SCHIP1: variants seen among roughly 807,000 people sequenced by gnomAD.
SCHIP1 encodes the protein schwannomin-interacting protein 1.
In SCHIP1, 8 loss-of-function variants were observed where a neutral mutation model predicts 29.7. That is an observed-to-expected ratio of 0.27 (90% confidence interval 0.16 to 0.49). The LOEUF (loss-of-function observed/expected upper bound fraction) is 0.49. Ranked by LOEUF, SCHIP1 falls within the 20% of genes least tolerant of loss-of-function variation. The pLI, the probability that SCHIP1 is intolerant of heterozygous loss-of-function variation, is 0.99. For synonymous variants in SCHIP1, 76 were observed against 94.9 expected (o/e 0.80, Z 1.16); for missense variants, 193 against 294.6 (o/e 0.66, Z 2.52).
chr3:159,868,101 G>A (rs1022490174), intron 2 of SCHIP1, among the ~76,000 whole-genome samples: 2 of 148,250 alleles, frequency 1.3e-5, no homozygotes, highest in African/African-American at 5.0e-5. Context: ...GTATATATTA[G>A]CTAATATTAA....
At chr3:159,391,045 C>G in the SCHIP1 span, among the ~76,000 whole-genome samples, 9 of 152,064 alleles carry the variant, frequency 5.9e-5, no homozygotes, top group Non-Finnish European at 1.3e-4. Context: ...GTCTCCTTTT[C>G]AGTTATACAG....
the SCHIP1 span, among the ~76,000 whole-genome samples, chr3:159,524,076 T>C: frequency 6.6e-6 from 1 of 152,212 alleles, no homozygotes; most frequent in Non-Finnish European, 1.5e-5. Flanking sequence ...CTGGTCTCAG[T>C]GTGCACCTGC....
the SCHIP1 span, among the ~76,000 whole-genome samples, chr3:159,645,201 C>T: frequency 6.6e-6 from 1 of 152,050 alleles, no homozygotes; most frequent in Admixed American, 6.6e-5. Context: ...GTTGGAGAAG[C>T]CACGGCTCTG....
At chr3:159,857,631 C>T (rs1228300156) in intron 1 of SCHIP1, among the ~76,000 whole-genome samples, 2 of 152,058 alleles carry the variant, frequency 1.3e-5, no homozygotes, top group African/African-American at 2.4e-5. Flanking sequence ...CGCTAATTTA[C>T]TTTATGTATT....
At chr3:159,758,616 A>C in the SCHIP1 span, among the ~76,000 whole-genome samples, 1 of 152,232 alleles carries the variant, frequency 6.6e-6, no homozygotes, top group South Asian at 2.1e-4. Flanking sequence ...GCCTCTTCCA[A>C]TCCTGTCAAG....
the SCHIP1 span, among the ~76,000 whole-genome samples, chr3:159,795,934 A>G: frequency 6.6e-5 from 10 of 152,302 alleles, no homozygotes; most frequent in East Asian, 1.7e-3. Flanking sequence ...TGATGTGCAG[A>G]TTCTGGGCCT....
the SCHIP1 span, among the ~76,000 whole-genome samples, chr3:159,689,320 G>T: frequency 6.6e-6 from 1 of 152,156 alleles, no homozygotes; most frequent in African/African-American, 2.4e-5. Context: ...CACATCCCTT[G>T]TAAGTTGTAT....
chr3:159,853,024 C>A (rs1273090470), intron 1 of SCHIP1: 1 of 184,096 alleles, frequency 5.4e-6, no homozygotes, highest in African/African-American at 2.3e-5. Context: ...GAGTGCCTCT[C>A]TTTTCCTTTC....
At chr3:159,804,486 C>T in the SCHIP1 span, among the ~76,000 whole-genome samples, 36 of 152,232 alleles carry the variant, frequency 2.4e-4, no homozygotes, top group South Asian at 2.1e-4. Context: ...CATGAGTATA[C>T]AATGTCTTCC....
In SCHIP1 at chr3:159,867,704, C is replaced by T. The variant is rs143231599; in HGVS notation, c.149+1423C>T. Among the ~76,000 whole-genome samples, 1,018 of 152,260 alleles carry T rather than the reference C, an allele frequency of 6.7e-3. 8 individuals carry two copies. Among genetic ancestry groups the T allele is most frequent in the Middle Eastern group, 0.01 (3 of 294 alleles). On this transcript the variant is annotated intron_variant, in intron 2 of 6. Transcript: ENST00000445224. ...CCTCCCAGTCAGATGTGGCAGAAGG[C>T]GCTTTGGCCTAGGAACCTGGAGATC...
the SCHIP1 span, among the ~76,000 whole-genome samples, chr3:159,494,808 G>A: frequency 6.6e-6 from 1 of 152,030 alleles, no homozygotes; most frequent in Non-Finnish European, 1.5e-5. Flanking sequence ...CAAAAAAAAA[G>A]AGAATTTTAT....
At chr3:159,709,391 T>C in the SCHIP1 span, among the ~76,000 whole-genome samples, 1 of 152,182 alleles carries the variant, frequency 6.6e-6, no homozygotes, top group Non-Finnish European at 1.5e-5. Flanking sequence ...AGCTCTTGTA[T>C]TATTCTTACA....
At chr3:159,599,800 A>G in the SCHIP1 span, among the ~76,000 whole-genome samples, 2 of 152,048 alleles carry the variant, frequency 1.3e-5, no homozygotes, top group African/African-American at 4.8e-5. Flanking sequence ...TCTTTGTGTG[A>G]TTGTTTCATC....
the SCHIP1 span, among the ~76,000 whole-genome samples, chr3:159,433,271 C>T: frequency 7.2e-5 from 11 of 152,132 alleles, no homozygotes; most frequent in African/African-American, 1.7e-4. Context: ...TCATTTTCCA[C>T]GGACAGAAAA....
the SCHIP1 span, among the ~76,000 whole-genome samples, chr3:159,645,380 G>C: frequency 1.3e-5 from 2 of 152,102 alleles, no homozygotes; most frequent in Non-Finnish European, 2.9e-5. Context: ...ATCGACTCCT[G>C]CAAGAACAGT....
the SCHIP1 span, among the ~76,000 whole-genome samples, chr3:159,651,762 T>TA: frequency 6.6e-6 from 1 of 152,214 alleles, no homozygotes; most frequent in Non-Finnish European, 1.5e-5. Context: ...TTTGGAAGCC[T>TA]AAAGCATTTT....
chr3:159,273,935 A>T, the SCHIP1 span: 1,156,848 of 1,598,944 alleles, frequency 0.72, 424,106 homozygotes, highest in Non-Finnish European at 0.76. Flanking sequence ...TATTTTTACA[A>T]ATGAAGAGAG....
At chr3:159,644,125 C>T in the SCHIP1 span, among the ~76,000 whole-genome samples, 1 of 152,188 alleles carries the variant, frequency 6.6e-6, no homozygotes. Flanking sequence ...ACCCATTTTC[C>T]TCAGGTGCTT....
At chr3:159,875,022 AAAAAAAAAAAC>A (rs1251146215) in intron 2 of SCHIP1, among the ~76,000 whole-genome samples, 2 of 150,888 alleles carry the variant, frequency 1.3e-5, no homozygotes, top group African/African-American at 4.9e-5. Flanking sequence ...GTAGTCTAAA[AAAAAAAAAAAC>A]AAAAACTATC....
Sources: gnomAD v4.1 joint callset for allele counts (sites outside exome capture counted in the v4.1 genomes callset) on GRCh38, gnomAD v4.1.1 for gene constraint, MANE v1.5 for transcripts, NCBI Gene and HGNC (gene_info 2026-07-23, HGNC 2026-07-21) for gene names.